SYNE1: variants seen among roughly 807,000 people sequenced by gnomAD.
SYNE1 encodes the protein nesprin-1.
A neutral mutation model predicts 1,111.0 loss-of-function variants in SYNE1; 616 were observed. That is an observed-to-expected ratio of 0.55 (90% confidence interval 0.52 to 0.59). The LOEUF is 0.59. SYNE1 is among the 20% of genes least tolerant of loss of function. The pLI is 0.00. For missense variants in SYNE1, 10,006 were observed against 10,417.0 expected (o/e 0.96, Z 1.72); for synonymous variants, 3,855 against 3,825.8 (o/e 1.01, Z -0.28).
At chr6:152,233,337 T>A (rs1393375487) in intron 112 of SYNE1, among the ~76,000 whole-genome samples, 1 of 151,782 alleles carries the variant, frequency 6.6e-6, no homozygotes, top group Non-Finnish European at 1.5e-5. Flanking sequence ...GTTCACTCTT[T>A]TTTTTTTTTC....
At chr6:152,555,691 C>T (rs2099362735) in intron 3 of SYNE1, among the ~76,000 whole-genome samples, 1 of 152,066 alleles carries the variant, frequency 6.6e-6, no homozygotes, top group East Asian at 1.9e-4. Flanking sequence ...GATGTAAAGA[C>T]ATGAATGAAT....
intron 87 of SYNE1, among the ~76,000 whole-genome samples, chr6:152,311,420 C>T (rs901843059): frequency 6.6e-6 from 1 of 152,172 alleles, no homozygotes; most frequent in Non-Finnish European, 1.5e-5. Context: ...GAAGCAAAAA[C>T]ATCCCTGATC....
chr6:152,133,642 C>A (rs1354041303), intron 142 of SYNE1, 154 bp from the exon 143 acceptor site: 11 of 760,168 alleles, frequency 1.4e-5, no homozygotes, highest in Non-Finnish European at 2.4e-5. Flanking sequence ...CAGCTCACGG[C>A]CTGAGTTCTA....
chr6:152,145,606 A>T, intron 137 of SYNE1: 5 of 1,516,890 alleles, frequency 3.3e-6, no homozygotes, highest in Non-Finnish European at 3.7e-6. Flanking sequence ...GAAACCCTGA[A>T]TCCCTTGTGC....
At chr6:152,559,999 G>A (rs1282492797) in intron 3 of SYNE1, among the ~76,000 whole-genome samples, 1 of 152,092 alleles carries the variant, frequency 6.6e-6, no homozygotes, top group Non-Finnish European at 1.5e-5. Flanking sequence ...TCAACAAATT[G>A]GATAATCTAG....
At chr6:152,269,085 T>C (rs760917034) in intron 99 of SYNE1, 70 bp downstream of exon 99, 13 of 1,610,916 alleles carry the variant, frequency 8.1e-6, no homozygotes, top group Non-Finnish European at 1.1e-5. Flanking sequence ...TGTCTGTCCT[T>C]CTGAAATATG....
At chr6:152,307,318 A>G (rs1219601521) in intron 91 of SYNE1, among the ~76,000 whole-genome samples, 1 of 152,146 alleles carries the variant, frequency 6.6e-6, no homozygotes, top group African/African-American at 2.4e-5. Flanking sequence ...GCATTTGGAG[A>G]AGAGGGTGAG....
intron 14 of SYNE1, 111 bp from the exon 15 acceptor site, chr6:152,472,524 C>A (rs777346714): frequency 5.1e-6 from 5 of 988,194 alleles, no homozygotes; most frequent in East Asian, 2.6e-5. Context: ...CAATTTGATC[C>A]CGCTGCCACA....
chr6:152,380,889 C>T, intron 56 of SYNE1, 117 bp downstream of exon 56: 7 of 956,802 alleles, frequency 7.3e-6, no homozygotes, highest in Non-Finnish European at 1.2e-5. Flanking sequence ...ATAAATACTT[C>T]TTCCAAGTGT....
At chr6:152,636,564 G>C (rs2099706232) in intron 2 of SYNE1, 74 bp downstream of exon 2, 1 of 153,048 alleles carries the variant, frequency 6.5e-6, no homozygotes. Context: ...TCTGCAATGT[G>C]TTCGTCTTGC....
chr6:152,331,615 A>G lies in SYNE1; in HGVS notation c.13070T>C (p.Met4357Thr). 6.2e-7 allele frequency: 1 copy of G among 1,614,080 alleles called. No individual in the cohort carries two copies. Reference protein sequence around the residue: ...NVVQSRFQELMEWAEEQQPNI... With the variant: ...NVVQSRFQELTEWAEEQQPNI... ...GGGTTGTTGCTCTTCTGCCCACTCC[A>G]TTAGCTCCTGAAATCTGGACTGCAC... Residue 4357 changes from methionine (M) to threonine (T), a missense_variant, in exon 78 of 146, where the codon ATG becomes ACG. Physicochemically the swap from Met to Thr is moderately conservative, Grantham distance 81. Coordinates refer to ENST00000367255, the MANE Select transcript of SYNE1 (RefSeq NM_182961.4).
rs2097810439 is a variant in SYNE1, at chr6:152,401,208, A to G, written c.6959T>C (p.Phe2320Ser). 6.2e-7 allele frequency: 1 copy of G among 1,614,132 alleles called. No individual in the cohort carries two copies. The highest frequency in any genetic ancestry group is 8.5e-7 in the Non-Finnish European group (1 of 1,180,014). ...CATCAACGATTCTTCCACTTTTGTGAACCATGTTGTTATGTCATTAATAAA... is the reference window on the plus strand; with the variant it reads ...CATCAACGATTCTTCCACTTTTGTGGACCATGTTGTTATGTCATTAATAAA... ...EKFINDITTW[F>S]TKVEESLMNC... The change falls in exon 47 of 146, where the codon TTC becomes TCC. Residue 2320 changes from phenylalanine (F) to serine (S), a missense_variant. By Grantham distance (155) the Phe-to-Ser change is radical (BLOSUM62 -2). Coordinates refer to ENST00000367255, the MANE Select transcript of SYNE1 (RefSeq NM_182961.4).
rs78836991 is a variant in SYNE1 at position 152,242,560 on chromosome 6, G to C, written c.19693-120C>G. On this transcript the variant is annotated intron_variant, in intron 106 of 145. Transcript: ENST00000367255. The stretch of plus-strand genomic sequence containing the variant: ...ACCAAGAAAATGCCTTCAGGGATGT[G>C]CCTCCTGGAAACGCTCTACCTGTAG... 3.9e-5 allele frequency: 41 copies of C among 1,047,338 alleles called. No homozygotes were observed. The East Asian group carries it at 9.7e-4, about 25-fold the overall frequency. The allele number at this position is 1,047,338 out of a possible 1,614,324, so 64.9% of individuals were successfully genotyped here. A position where few individuals can be genotyped will look rare whatever the true frequency, so the allele number is the denominator to read the frequency against.
At chr6:152,510,519 A>C in intron 7 of SYNE1, 148 bp from the exon 8 acceptor site, 1 of 872,558 alleles carries the variant, frequency 1.1e-6, no homozygotes, top group Non-Finnish European at 1.8e-6. Flanking sequence ...CATGATTGAT[A>C]TCTTACTCCT....
At position 152,455,502 on chromosome 6, in the gene SYNE1, A is replaced by T; in HGVS notation, c.2816T>A (p.Leu939Ter). The T allele has an allele frequency of 6.2e-7, 1 of 1,614,100 alleles. No homozygotes were observed. Among genetic ancestry groups the T allele is most frequent in the Non-Finnish European group, 8.5e-7 (1 of 1,180,020 alleles). Residue 939 changes from leucine (L) to a stop codon, truncating the protein, a stop_gained, in exon 24 of 146, where the codon TTG (leucine) becomes TAG (stop). Transcript: ENST00000367255. LOFTEE classifies it high-confidence loss of function. ...MKKFEESRAE[L>*]EKVLRIAQEG... ...CTGAGCAATCCGCAGTACCTTCTCC[A>T]ACTCTGCTCGAGACTCCTCAAACTT... is the stretch of plus-strand genomic sequence containing the variant.
chr6:152,308,354 A>C (rs2095443003), intron 91 of SYNE1, 135 bp downstream of exon 91: 3 of 1,243,128 alleles, frequency 2.4e-6, no homozygotes, highest in Admixed American at 2.1e-5. Context: ...TTAGATAGCC[A>C]AAGAGGCCTC....
In SYNE1 at chr6:152,533,268, A is replaced by T. The variant is rs372718645; in HGVS notation, c.129+6692T>A. Among the ~76,000 whole-genome samples the T allele has an allele frequency of 8.6e-5, 13 of 151,798 alleles. No homozygotes were observed. The South Asian group carries it at 2.3e-3, about 27-fold the overall frequency. ...CCCATTCTTTTTTGTTTCCTGTGAC[A>T]GATAGCATAATCCTTTCCACTTCCT... On this transcript the variant is annotated intron_variant, in intron 4 of 145. Transcript: ENST00000367255.
Position 152,396,905 on chromosome 6 carries a change from G to A in SYNE1, c.7426C>T (p.His2476Tyr), listed in dbSNP as rs2097740174. The A allele has an allele frequency of 1.9e-6, 3 of 1,614,064 alleles. No homozygotes were observed. The highest frequency in any genetic ancestry group is 1.3e-5 in the African/African-American group (1 of 74,926). The part of the protein sequence containing the change: ...VTQEGQTLYA[H>Y]LSKQIVSSIQ... Reference sequence around the variant, plus strand: ...CTACTGACAATTTGTTTAGACAAATGTGCATACAAAGTTTGTCCTTCTTGA... The same window carrying A: ...CTACTGACAATTTGTTTAGACAAATATGCATACAAAGTTTGTCCTTCTTGA... Residue 2476 changes from histidine (H) to tyrosine (Y), a missense_variant, in exon 50 of 146, where the codon CAT (histidine) becomes TAT (tyrosine). By Grantham distance (83) the His-to-Tyr change is moderately conservative. Around this residue, in one of 7 missense-constraint regions of SYNE1, gnomAD observed 4,955 missense variants for 5,017.2 expected, o/e 0.99. Transcript: ENST00000367255.
In SYNE1 at chr6:152,367,350, T is replaced by C. The variant is rs148679918; in HGVS notation, c.9840A>G (p.Ala3280=). 5.6e-6 allele frequency: 9 copies of C among 1,614,100 alleles called. No individual in the cohort carries two copies. Among genetic ancestry groups the C allele is most frequent in the East Asian group, 2.2e-5 (1 of 44,896 alleles). Reference sequence around the variant, plus strand: ...TCCCAAGAGAGAACTGATTGTGTTCTGCAACGATTCTATCCAGTCTTGACA... The same window carrying C: ...TCCCAAGAGAGAACTGATTGTGTTCCGCAACGATTCTATCCAGTCTTGACA... The part of the protein sequence containing the change: ...EKVSRLDRIV[A]EHNQFSLGIK... The change falls in exon 62 of 146, where the codon GCA becomes GCG. Residue 3280 remains alanine (A), a synonymous_variant. Transcript: ENST00000367255.
Sources: allele counts gnomAD v4.1 joint callset (sites outside exome capture counted in the v4.1 genomes callset), GRCh38; gene constraint gnomAD v4.1.1; regional missense constraint gnomAD v4.1.1; transcripts MANE v1.5; gene names NCBI Gene and HGNC (gene_info 2026-07-23, HGNC 2026-07-21).